The following APP variants were observed in gnomAD, a reference collection of about 807,000 sequenced individuals.
The protein encoded by APP is amyloid beta precursor protein, also known as amyloid-beta precursor protein.
Under a neutral mutation model 101.4 loss-of-function variants are expected in APP, and 31 were observed. The observed-to-expected ratio is 0.31, with a 90% confidence interval of 0.23 to 0.41. APP has a LOEUF of 0.41. Among genes scored for constraint, APP ranks in the 10% least tolerant of loss-of-function variants. The pLI is 1.00. For synonymous variants in APP, 366 were observed against 364.4 expected, an observed-to-expected ratio of 1.00 and a Z score of -0.05; for missense variants, 839 against 1,003.7, an observed-to-expected ratio of 0.84 and a Z score of 2.22.
chr21:26,021,176 T>C (rs998820902), intron 6 of APP, among the ~76,000 whole-genome samples: 3 of 150,430 alleles, frequency 2.0e-5, no homozygotes, highest in African/African-American at 7.3e-5. Context: ...GCCTCCCAAA[T>C]AGCTGGGATT....
chr21:25,967,564 C>A (rs1673210456), intron 11 of APP, among the ~76,000 whole-genome samples: 1 of 152,198 alleles, frequency 6.6e-6, no homozygotes, highest in South Asian at 2.1e-4. Flanking sequence ...GTTTTCCAAA[C>A]CTAGGCCTAC....
chr21:26,170,510 G>A (rs1005832747), intron 1 of APP, 54 bp downstream of exon 1: 6 of 1,518,560 alleles, frequency 4.0e-6, no homozygotes, highest in Middle Eastern at 1.7e-4. Context: ...GTCTTGGGGG[G>A]TATCGCGTCC....
At chr21:25,911,715 C>A in intron 14 of APP, 26 bp downstream of exon 14, 1 of 1,606,966 alleles carries the variant, frequency 6.2e-7, no homozygotes. Context: ...TCCCAGAACG[C>A]CCTTGCTGGC....
At chr21:26,147,287 G>T (rs1489318271) in intron 1 of APP, among the ~76,000 whole-genome samples, 1 of 151,998 alleles carries the variant, frequency 6.6e-6, no homozygotes, top group Non-Finnish European at 1.5e-5. Context: ...TCCACCTAGG[G>T]TCTCATCTGT....
At chr21:25,985,436 AG>A (rs747682403) in intron 8 of APP, among the ~76,000 whole-genome samples, 13 of 152,176 alleles carry the variant, frequency 8.5e-5, no homozygotes, top group Non-Finnish European at 1.8e-4. Flanking sequence ...TGAAAACAAA[AG>A]GGCAGAGGAT....
chr21:26,040,290 C>A (rs117104544), intron 5 of APP, among the ~76,000 whole-genome samples: 1 of 151,942 alleles, frequency 6.6e-6, no homozygotes, highest in Admixed American at 6.6e-5. Flanking sequence ...GGTAATAAAC[C>A]GCATTTCTTT....
chr21:26,137,395 C>T (rs1042522055), intron 1 of APP, among the ~76,000 whole-genome samples: 2 of 150,048 alleles, frequency 1.3e-5, no homozygotes, highest in Non-Finnish European at 3.0e-5. Context: ...AGGGTTACTG[C>T]CCTTTTTTTA....
At chr21:26,067,338 GT>G (rs2046496060) in intron 3 of APP, among the ~76,000 whole-genome samples, 1 of 152,136 alleles carries the variant, frequency 6.6e-6, no homozygotes, top group South Asian at 2.1e-4. Flanking sequence ...GACTAGCCAG[GT>G]TTCAAATATT....
chr21:25,992,644 C>T (rs1299078935), intron 8 of APP, among the ~76,000 whole-genome samples: 3 of 152,110 alleles, frequency 2.0e-5, no homozygotes, highest in Non-Finnish European at 4.4e-5. Flanking sequence ...ATTATTATGG[C>T]TTTGAAGAAA....
chr21:26,134,711 G>C (rs539773204), intron 1 of APP, among the ~76,000 whole-genome samples: 1 of 152,306 alleles, frequency 6.6e-6, no homozygotes, highest in African/African-American at 2.4e-5. Context: ...AGCTCCTGGA[G>C]GTTGGGGAGG....
chr21:26,112,542 G>T (rs553884126), intron 1 of APP, among the ~76,000 whole-genome samples: 14 of 152,348 alleles, frequency 9.2e-5, no homozygotes, highest in African/African-American at 3.4e-4. Flanking sequence ...CTCACACAGA[G>T]CATGATGCCT....
At chr21:26,125,674 G>C (rs1000007183) in intron 1 of APP, among the ~76,000 whole-genome samples, 4 of 152,006 alleles carry the variant, frequency 2.6e-5, no homozygotes, top group Non-Finnish European at 5.9e-5. Flanking sequence ...TTGTCCTGAC[G>C]GGGGTGGGGG....
intron 3 of APP, among the ~76,000 whole-genome samples, chr21:26,065,217 A>AG (rs1243119581): frequency 1.3e-5 from 2 of 152,300 alleles, no homozygotes; most frequent in Non-Finnish European, 2.9e-5. Context: ...GATCATTGTC[A>AG]GGGCATGTTC....
chr21:25,903,368 C>CAAAAAAAA (rs937462787), intron 15 of APP, among the ~76,000 whole-genome samples: 1 of 68,580 alleles, frequency 1.5e-5, no homozygotes. Context: ...GACTCCATCT[C>CAAAAAAAA]AAAAAAAAAA....
At chr21:26,166,967 T>C (rs2063632097) in intron 1 of APP, among the ~76,000 whole-genome samples, 1 of 151,882 alleles carries the variant, frequency 6.6e-6, no homozygotes, top group Non-Finnish European at 1.5e-5. Flanking sequence ...TCTGTCTGTC[T>C]GGTAGAGGCA....
At chr21:26,070,465 T>C (rs1006325000) in intron 3 of APP, among the ~76,000 whole-genome samples, 5 of 152,190 alleles carry the variant, frequency 3.3e-5, no homozygotes, top group Admixed American at 1.3e-4. Flanking sequence ...CTGGAGAATT[T>C]TGAACCATTT....
intron 3 of APP, among the ~76,000 whole-genome samples, chr21:26,071,715 G>C (rs2061414628): frequency 6.6e-6 from 1 of 152,174 alleles, no homozygotes. Context: ...TTCTGATTTG[G>C]TAAGAATATC....
chr21:26,165,498 C>A (rs2063587684), intron 1 of APP, among the ~76,000 whole-genome samples: 1 of 152,210 alleles, frequency 6.6e-6, no homozygotes. Context: ...GGTCTAAACT[C>A]TCCTGATTAG....
chr21:25,967,209 T>A (rs1018933610), intron 11 of APP, among the ~76,000 whole-genome samples: 8 of 152,186 alleles, frequency 5.3e-5, no homozygotes, highest in African/African-American at 1.9e-4. Context: ...CAACATTTTT[T>A]TTTTGCTCAA....
Sources: gnomAD v4.1 joint callset for allele counts (sites outside exome capture counted in the v4.1 genomes callset) on GRCh38, gnomAD v4.1.1 for gene constraint, MANE v1.5 for transcripts, NCBI Gene and HGNC (gene_info 2026-07-23, HGNC 2026-07-21) for gene names.